FAM227B: variants seen among roughly 807,000 people sequenced by gnomAD.
FAM227B encodes family with sequence similarity 227 member B.
FAM227B carries 88 observed loss-of-function variants against 73.8 expected under a neutral mutation model. The observed-to-expected ratio is 1.19, with a 90% CI of 1.00 to 1.42. FAM227B has a LOEUF of 1.42. FAM227B is among the 40% of genes most tolerant of loss of function. The pLI is 0.00. For missense variants in FAM227B, 632 were observed against 590.9 expected, an observed-to-expected ratio of 1.07 and a Z score of -0.72; for synonymous variants, 210 against 190.5, an observed-to-expected ratio of 1.10 and a Z score of -0.84.
chr15:49,455,752 A>G (rs796579687), intron 11 of FAM227B, among the ~76,000 whole-genome samples: 8 of 152,326 alleles, frequency 5.3e-5, no homozygotes, highest in African/African-American at 1.9e-4. Context: ...GGAGAAAACA[A>G]AACGTGCTCC....
intron 10 of FAM227B, among the ~76,000 whole-genome samples, chr15:49,527,191 C>T (rs1271388870): frequency 6.6e-6 from 1 of 151,872 alleles, no homozygotes; most frequent in Non-Finnish European, 1.5e-5. Context: ...TAATGCATCA[C>T]GGTCAAGTGG....
At chr15:49,446,024 T>C (rs1048049472) in intron 11 of FAM227B, among the ~76,000 whole-genome samples, 1 of 151,546 alleles carries the variant, frequency 6.6e-6, no homozygotes. Flanking sequence ...ATATTTACAA[T>C]GTTAGTTTTC....
intron 2 of FAM227B, 73 bp from the exon 3 acceptor site, chr15:49,611,341 A>G (rs2077901985): frequency 2.6e-6 from 2 of 766,794 alleles, no homozygotes; most frequent in Non-Finnish European, 2.1e-6. Flanking sequence ...CAAATAATTT[A>G]CTTAAATAAA....
At chr15:49,394,328 G>A (rs1438549060) in intron 11 of FAM227B, among the ~76,000 whole-genome samples, 1 of 152,152 alleles carries the variant, frequency 6.6e-6, no homozygotes, top group African/African-American at 2.4e-5. Context: ...TTGGGTAGAT[G>A]TGGTGGTGGG....
At chr15:49,536,882 G>T (rs1180711521) in intron 10 of FAM227B, among the ~76,000 whole-genome samples, 2 of 151,874 alleles carry the variant, frequency 1.3e-5, no homozygotes, top group Non-Finnish European at 2.9e-5. Context: ...GGATGAAATG[G>T]ACCCTTATTT....
At chr15:49,539,965 GTGTC>G (rs1229785712) in intron 10 of FAM227B, among the ~76,000 whole-genome samples, 1 of 152,216 alleles carries the variant, frequency 6.6e-6, no homozygotes, top group East Asian at 1.9e-4. Flanking sequence ...TATGCAAAGA[GTGTC>G]TGTGGCTCTG....
intron 11 of FAM227B, among the ~76,000 whole-genome samples, chr15:49,489,805 A>ATATATATATATATAT (rs2056756598): frequency 4.3e-5 from 2 of 46,832 alleles, no homozygotes; most frequent in Non-Finnish European, 8.1e-5. Context: ...TATATATTTT[A>ATATATATATATATAT]TATATATATA....
At chr15:49,362,930 A>C (rs2044502718) in intron 13 of FAM227B, among the ~76,000 whole-genome samples, 1 of 151,988 alleles carries the variant, frequency 6.6e-6, no homozygotes, top group Admixed American at 6.6e-5. Flanking sequence ...GTTAGATGGT[A>C]GTAGGTGTGC....
chr15:49,514,900 G>A (rs1420622055), intron 10 of FAM227B, among the ~76,000 whole-genome samples: 1 of 152,004 alleles, frequency 6.6e-6, no homozygotes, highest in African/African-American at 2.4e-5. Flanking sequence ...TTTACACTTA[G>A]GGCTATAATC....
chr15:49,340,778 C>T (rs1027098989), intron 13 of FAM227B, among the ~76,000 whole-genome samples: 15 of 152,072 alleles, frequency 9.9e-5, no homozygotes, highest in African/African-American at 3.6e-4. Flanking sequence ...TTAGGTCCCA[C>T]TTGTCAATTT....
At chr15:49,509,586 C>CTT (rs139674625) in intron 10 of FAM227B, among the ~76,000 whole-genome samples, 5 of 139,882 alleles carry the variant, frequency 3.6e-5, no homozygotes, top group African/African-American at 1.0e-4. Context: ...TTCACTGTTA[C>CTT]TTTTTTTTTT....
chr15:49,450,872 A>G (rs4389093), intron 11 of FAM227B, among the ~76,000 whole-genome samples: 41,494 of 152,050 alleles, frequency 0.27, 6,915 homozygotes, highest in Non-Finnish European at 0.38. Flanking sequence ...ATTCTTTTCC[A>G]CATGTGGGCT....
chr15:49,331,047 TC>T (rs2151141053), intron 15 of FAM227B: 1 of 152,386 alleles, frequency 6.6e-6, no homozygotes, highest in South Asian at 2.1e-4. Context: ...TTTCACTCTT[TC>T]TATCACTTTT....
intron 11 of FAM227B, among the ~76,000 whole-genome samples, chr15:49,397,081 A>G (rs973372689): frequency 2.0e-5 from 3 of 152,208 alleles, no homozygotes; most frequent in Non-Finnish European, 4.4e-5. Flanking sequence ...CCAAAGGCAA[A>G]GAAGTTGAAA....
chr15:49,502,392 C>T (rs574763195), intron 11 of FAM227B, among the ~76,000 whole-genome samples: 3 of 152,376 alleles, frequency 2.0e-5, no homozygotes, highest in African/African-American at 7.2e-5. Flanking sequence ...CCATCCTTTG[C>T]ACCAGTGTGC....
At chr15:49,444,049 G>T (rs1256565082) in intron 11 of FAM227B, among the ~76,000 whole-genome samples, 4 of 151,690 alleles carry the variant, frequency 2.6e-5, no homozygotes, top group Admixed American at 2.6e-4. Flanking sequence ...CTAACATTGT[G>T]CTGGGCAAAC....
chr15:49,385,045 T>C (rs1396511303), intron 11 of FAM227B, among the ~76,000 whole-genome samples: 1 of 152,018 alleles, frequency 6.6e-6, no homozygotes, highest in Admixed American at 6.6e-5. Flanking sequence ...AAACGTGCTC[T>C]AATAGCATTT....
intron 11 of FAM227B, among the ~76,000 whole-genome samples, chr15:49,372,902 G>T (rs2045938409): frequency 6.6e-6 from 1 of 151,946 alleles, no homozygotes; most frequent in Non-Finnish European, 1.5e-5. Context: ...AATACTAAAG[G>T]CAGGTAAGCA....
intron 11 of FAM227B, among the ~76,000 whole-genome samples, chr15:49,418,031 G>T (rs1406938410): frequency 1.3e-5 from 2 of 152,108 alleles, no homozygotes; most frequent in Admixed American, 6.6e-5. Flanking sequence ...ATTTTGAAAA[G>T]ACATACATGT....
Sources: allele counts gnomAD v4.1 joint callset (sites outside exome capture counted in the v4.1 genomes callset), GRCh38; gene constraint gnomAD v4.1.1; transcripts MANE v1.5; gene names NCBI Gene and HGNC (gene_info 2026-07-23, HGNC 2026-07-21).